Variants in EIF5B observed in about 807,000 individuals in gnomAD.
EIF5B encodes the protein eukaryotic translation initiation factor 5B.
In EIF5B, 47 loss-of-function variants were observed where a neutral mutation model predicts 147.5. The ratio of observed to expected loss-of-function variants is 0.32; its 90% CI spans 0.25 to 0.41. The LOEUF is 0.41. EIF5B is among the 10% of genes least tolerant of loss of function. EIF5B has a pLI of 1.00. For missense variants in EIF5B, 1,064 were observed against 1,413.2 expected (o/e 0.75, Z 3.96); for synonymous variants, 455 against 456.2 (o/e 1.00, Z 0.03).
In EIF5B at chr2:99,389,560, A is replaced by T. The variant is rs1285763492; in HGVS notation, c.2272-158A>T. On this transcript the variant is annotated intron_variant, in intron 14 of 23. Transcript: ENST00000289371. ...TCTAATTTAAGAGCAGGTGCCGATA[A>T]GCAGTCTGAAAGGAGCTTTTGGTAC... The T allele has an allele frequency of 1.3e-5, 7 of 519,408 alleles. No individual in the cohort carries two copies. In the African/African-American group the frequency reaches 1.4e-4, roughly 10 times the overall value. 32.2% of individuals were successfully genotyped at this position (519,408 alleles called of 1,614,324 possible). A position where few individuals can be genotyped will look rare whatever the true frequency, so the allele number is the denominator to read the frequency against.
intron 6 of EIF5B, among the ~76,000 whole-genome samples, chr2:99,366,369 G>GGTGTA (rs1674328807): frequency 6.6e-6 from 1 of 152,164 alleles, no homozygotes; most frequent in South Asian, 2.1e-4. Flanking sequence ...CATCTTAGTA[G>GGTGTA]GTGTAGGCTG....
chr2:99,401,092 G>A lies in EIF5B; in HGVS notation c.*1678G>A. ...TTTACATGCAATACTGACAAATTTG[G>A]CACTTTTTGAAAAGAAATGTACAAA... On this transcript the variant is annotated 3_prime_UTR_variant, in exon 24 of 24. Transcript: ENST00000289371. 2 of 485,714 alleles carry A rather than the reference G, an allele frequency of 4.1e-6. No individual in the cohort carries two copies. Among genetic ancestry groups the A allele is most frequent in the South Asian group, 3.7e-5 (1 of 27,012 alleles). 30.1% of individuals were successfully genotyped at this position (485,714 alleles called of 1,614,324 possible).
At chr2:99,387,097 G>A (rs1469756304) in intron 14 of EIF5B, among the ~76,000 whole-genome samples, 1 of 151,916 alleles carries the variant, frequency 6.6e-6, no homozygotes, top group African/African-American at 2.4e-5. Flanking sequence ...TAGTAGAGAC[G>A]GGGTTTCACC....
Position 99,343,196 on chromosome 2 carries a change from T to A in EIF5B, c.35+5607T>A, listed in dbSNP as rs1164667916. Among the ~76,000 whole-genome samples the A allele has an allele frequency of 2.6e-5, 4 of 151,918 alleles. No individual in the cohort carries two copies. The East Asian group carries it at 5.8e-4, about 22-fold the overall frequency. The stretch of plus-strand genomic sequence containing the variant: ...GTCTCGAAATCCTCACCTCAGGTGA[T>A]CCATCCGTCTTGGCTTCCCAAAGTG... On this transcript the variant is annotated intron_variant, in intron 1 of 23. Coordinates refer to ENST00000289371, the MANE Select transcript of EIF5B (RefSeq NM_015904.4).
chr2:99,396,698 GTTTTTC>G, intron 21 of EIF5B, 56 bp from the exon 22 acceptor site: 3 of 1,529,448 alleles, frequency 2.0e-6, no homozygotes, highest in South Asian at 1.3e-5. Flanking sequence ...TTCAGCTGCA[GTTTTTC>G]TTTTTATGTT....
chr2:99,369,364 A>G, intron 7 of EIF5B, 28 bp from the exon 8 acceptor site: 1 of 1,564,080 alleles, frequency 6.4e-7, no homozygotes. Flanking sequence ...CAAAAAAAAT[A>G]TTATCTTGGT....
intron 14 of EIF5B, among the ~76,000 whole-genome samples, chr2:99,388,614 A>AT (rs1674858274): frequency 6.6e-6 from 1 of 152,142 alleles, no homozygotes; most frequent in Non-Finnish European, 1.5e-5. Context: ...TAACAACATA[A>AT]TTACTGTTGA....
intron 6 of EIF5B, among the ~76,000 whole-genome samples, chr2:99,365,983 A>G (rs969242881): frequency 1.3e-5 from 2 of 152,204 alleles, no homozygotes; most frequent in African/African-American, 2.4e-5. Context: ...CTAAAAATGT[A>G]CTCTCAGAGA....
chr2:99,343,826 A>C (rs995314585), intron 1 of EIF5B, among the ~76,000 whole-genome samples: 3 of 152,058 alleles, frequency 2.0e-5, no homozygotes, highest in Non-Finnish European at 4.4e-5. Context: ...AAAATAAAAA[A>C]AAAACAAAAC....
Position 99,398,744 on chromosome 2 carries a change from A to G in EIF5B, c.3394-4A>G, listed in dbSNP as rs1420869588. The G allele has an allele frequency of 6.2e-7, 1 of 1,605,240 alleles. No homozygotes were observed. The highest frequency in any genetic ancestry group is 2.2e-5 in the East Asian group (1 of 44,774). ...ATGCATTTTAATTTGTTCTTATTTT[A>G]TAGTTTGTTGACATCGGAATAGTAA... is the stretch of plus-strand genomic sequence containing the variant. On this transcript the variant is annotated splice_polypyrimidine_tract_variant and splice_region_variant and intron_variant, in intron 22 of 23. Coordinates refer to ENST00000289371, the MANE Select transcript of EIF5B (RefSeq NM_015904.4).
chr2:99,383,704 C>T (rs992121526), intron 14 of EIF5B, among the ~76,000 whole-genome samples: 3 of 152,146 alleles, frequency 2.0e-5, no homozygotes, highest in African/African-American at 7.2e-5. Context: ...AACAAGTTAT[C>T]CAGAAACTCT....
At chr2:99,390,900 T>C (rs1346923453) in intron 17 of EIF5B, among the ~76,000 whole-genome samples, 195 bp downstream of exon 17, 1 of 152,206 alleles carries the variant, frequency 6.6e-6, no homozygotes, top group Non-Finnish European at 1.5e-5. Context: ...AGTACCTGCT[T>C]ACCAGACTGG....
At chr2:99,363,990 C>G in intron 5 of EIF5B, 128 bp downstream of exon 5, 1 of 1,078,850 alleles carries the variant, frequency 9.3e-7, no homozygotes, top group Admixed American at 2.8e-5. Context: ...TATTATTGTT[C>G]CGATACAAAT....
chr2:99,383,710 A>G (rs559682024), intron 14 of EIF5B, among the ~76,000 whole-genome samples: 1 of 152,240 alleles, frequency 6.6e-6, no homozygotes, highest in African/African-American at 2.4e-5. Context: ...TTATCCAGAA[A>G]CTCTAGCTGA....
chr2:99,366,621 T>G (rs1674333451), intron 6 of EIF5B, among the ~76,000 whole-genome samples: 1 of 152,240 alleles, frequency 6.6e-6, no homozygotes, highest in African/African-American at 2.4e-5. Context: ...TCTGTTGTCT[T>G]TATTCTAAGG....
At chr2:99,394,429 A>G in intron 19 of EIF5B, 31 bp downstream of exon 19, 1 of 1,613,536 alleles carries the variant, frequency 6.2e-7, no homozygotes. Context: ...CCACAAGTGA[A>G]TGGTGGTTGG....
intron 1 of EIF5B, among the ~76,000 whole-genome samples, chr2:99,356,665 G>GT (rs1196465989): frequency 6.6e-6 from 1 of 152,032 alleles, no homozygotes; most frequent in Admixed American, 6.6e-5. Context: ...TTGTGTGTTT[G>GT]TTTTTTGTTT....
At position 99,370,086 on chromosome 2, in the gene EIF5B, T is replaced by C. The variant is rs548507963; in HGVS notation, c.1477+605T>C. On this transcript the variant is annotated intron_variant, in intron 8 of 23. Transcript: ENST00000289371. ...AAAAGATCTGAAGGTCTTCATTTAA[T>C]GCTTCAGAAGCAAATTGGAAGGATT... Among the ~76,000 whole-genome samples the C allele has an allele frequency of 1.2e-4, 19 of 152,370 alleles. No individual in the cohort carries two copies. In the South Asian group the frequency reaches 3.9e-3, roughly 32 times the overall value.
At chr2:99,391,063 C>T (rs998965039) in intron 17 of EIF5B, among the ~76,000 whole-genome samples, 2 of 152,186 alleles carry the variant, frequency 1.3e-5, no homozygotes, top group Admixed American at 1.3e-4. Context: ...CTCCTAATAG[C>T]CTACCATTGA....
Sources: gnomAD v4.1 joint callset for allele counts (sites outside exome capture counted in the v4.1 genomes callset) on GRCh38, gnomAD v4.1.1 for gene constraint, MANE v1.5 for transcripts, NCBI Gene and HGNC (gene_info 2026-07-23, HGNC 2026-07-21) for gene names.